KLF8: variants seen among roughly 807,000 people sequenced by gnomAD.
The protein encoded by KLF8 is KLF transcription factor 8, also known as Krueppel-like factor 8.
KLF8 carries 10 observed loss-of-function variants against 18.2 expected under a neutral mutation model. The ratio of observed to expected loss-of-function variants is 0.55; its 90% CI spans 0.34 to 0.93. The LOEUF is 0.93. KLF8 is among the 40% of genes least tolerant of loss of function. KLF8 has a pLI of 0.02. For synonymous variants in KLF8, 109 were observed against 97.3 expected (o/e 1.12, Z -0.71); for missense variants, 264 against 277.9 (o/e 0.95, Z 0.36).
At chrX:56,159,361 G>C in the KLF8 span, among the ~76,000 whole-genome samples, 1 of 111,461 alleles carries the variant, frequency 9.0e-6, no homozygotes, top group Non-Finnish European at 1.9e-5. Flanking sequence ...TTTTTGTTGT[G>C]TCTCTGCCAG....
the KLF8 span, among the ~76,000 whole-genome samples, chrX:55,945,550 C>T: frequency 9.0e-6 from 1 of 111,165 alleles, no homozygotes; most frequent in African/African-American, 3.3e-5. Flanking sequence ...TGGGCAAAAA[C>T]TGGAAGCATT....
At chrX:56,117,513 A>C in the KLF8 span, among the ~76,000 whole-genome samples, 2 of 111,614 alleles carry the variant, frequency 1.8e-5, no homozygotes, top group Non-Finnish European at 3.8e-5. Context: ...AAAAAAAAAC[A>C]GAAAGAACCT....
chrX:56,005,410 C>A, the KLF8 span, among the ~76,000 whole-genome samples: 7 of 111,853 alleles, frequency 6.3e-5, no homozygotes, highest in Non-Finnish European at 1.1e-4. Flanking sequence ...CCAGTGAGAG[C>A]AAGGCTGCTG....
the KLF8 span, among the ~76,000 whole-genome samples, chrX:56,184,470 G>A: frequency 2.4e-4 from 27 of 112,718 alleles, no homozygotes; most frequent in Non-Finnish European, 3.8e-4. Context: ...AAAGACAGCA[G>A]TAACCTTGGC....
chrX:56,187,271 A>G, the KLF8 span, among the ~76,000 whole-genome samples: 4 of 112,141 alleles, frequency 3.6e-5, no homozygotes, highest in Admixed American at 3.8e-4. Flanking sequence ...TAGAAAATCT[A>G]GAAGAAATGG....
chrX:56,141,653 A>G, the KLF8 span, among the ~76,000 whole-genome samples: 8 of 111,145 alleles, frequency 7.2e-5, no homozygotes, highest in African/African-American at 2.3e-4. Context: ...TTATGTTTGG[A>G]AGAGTAAAAC....
At chrX:56,020,182 G>A in the KLF8 span, among the ~76,000 whole-genome samples, 2 of 111,482 alleles carry the variant, frequency 1.8e-5, no homozygotes, top group African/African-American at 6.5e-5. Flanking sequence ...TGAACATAAT[G>A]GAAATCAGCA....
chrX:56,054,722 C>T, the KLF8 span, among the ~76,000 whole-genome samples: 14 of 111,583 alleles, frequency 1.3e-4, no homozygotes, highest in South Asian at 1.9e-3. Context: ...TGTGAGTCTA[C>T]GTCTCTTTGA....
At chrX:56,193,882 T>C in the KLF8 span, among the ~76,000 whole-genome samples, 1 of 111,559 alleles carries the variant, frequency 9.0e-6, no homozygotes, top group Admixed American at 9.5e-5. Flanking sequence ...ATTGAAAGAA[T>C]GTATTGGACC....
chrX:56,183,918 T>G, the KLF8 span, among the ~76,000 whole-genome samples: 1 of 111,604 alleles, frequency 9.0e-6, no homozygotes, highest in African/African-American at 3.3e-5. Context: ...GGAACAGCTC[T>G]GGTCTACAGC....
chrX:56,090,678 G>T, the KLF8 span, among the ~76,000 whole-genome samples: 1 of 110,856 alleles, frequency 9.0e-6, no homozygotes, highest in Non-Finnish European at 1.9e-5. Context: ...AAATTCAGGG[G>T]GTACCCATTC....
intron 1 of KLF8, among the ~76,000 whole-genome samples, chrX:56,245,337 C>A (rs1388331415): frequency 8.9e-6 from 1 of 111,804 alleles, no homozygotes; most frequent in Middle Eastern, 4.2e-3. Context: ...TCTTAGCCAG[C>A]ACCTGCTCCA....
At chrX:56,058,513 C>G in the KLF8 span, among the ~76,000 whole-genome samples, 305 of 99,687 alleles carry the variant, frequency 3.1e-3, 1 homozygote, top group Non-Finnish European at 5.3e-3. Context: ...CCACCCCCAC[C>G]GCCAACAGGA....
At chrX:56,253,756 T>C (rs1275462266) in intron 2 of KLF8, among the ~76,000 whole-genome samples, 7 of 60,387 alleles carry the variant, frequency 1.2e-4, no homozygotes, top group African/African-American at 4.0e-4. Context: ...ATGTCTTTTT[T>C]TCTTTTTCTT....
chrX:55,971,252 T>A, the KLF8 span, among the ~76,000 whole-genome samples: 23 of 111,093 alleles, frequency 2.1e-4, no homozygotes, highest in Non-Finnish European at 4.2e-4. Context: ...AATTCAAAAA[T>A]AAATTAATGC....
the KLF8 span, among the ~76,000 whole-genome samples, chrX:56,174,477 G>A: frequency 8.9e-6 from 1 of 111,902 alleles, no homozygotes; most frequent in East Asian, 2.8e-4. Flanking sequence ...GCTTTTTGAT[G>A]TGCTGCTGGA....
the KLF8 span, among the ~76,000 whole-genome samples, chrX:56,063,416 G>A: frequency 2.7e-5 from 3 of 111,560 alleles, no homozygotes; most frequent in African/African-American, 6.5e-5. Flanking sequence ...CTTCTAACAG[G>A]CCCCTCTGCT....
At chrX:55,916,012 A>G in the KLF8 span, among the ~76,000 whole-genome samples, 3 of 111,923 alleles carry the variant, frequency 2.7e-5, no homozygotes, top group Non-Finnish European at 5.6e-5. Flanking sequence ...CGAGTTTATA[A>G]GTTACAGTTC....
At chrX:55,989,669 T>C in the KLF8 span, among the ~76,000 whole-genome samples, 1 of 111,874 alleles carries the variant, frequency 8.9e-6, no homozygotes, top group African/African-American at 3.3e-5. Context: ...TTCTCTTTTT[T>C]TTGTTGTATC....
Sources: allele counts gnomAD v4.1 joint callset (sites outside exome capture counted in the v4.1 genomes callset), GRCh38; gene constraint gnomAD v4.1.1; transcripts MANE v1.5; gene names NCBI Gene and HGNC (gene_info 2026-07-23, HGNC 2026-07-21).